The following CFAP54 variants were observed in gnomAD, a reference collection of about 807,000 sequenced individuals.
CFAP54 encodes cilia- and flagella-associated protein 54.
A neutral mutation model predicts 370.4 loss-of-function variants in CFAP54; 290 were observed. The ratio of observed to expected loss-of-function variants is 0.78; its 90% CI spans 0.71 to 0.86. The LOEUF is 0.86. CFAP54 is among the 40% of genes least tolerant of loss of function. CFAP54 has a pLI of 0.00. For synonymous variants in CFAP54, 1,206 were observed against 1,236.5 expected (o/e 0.98, Z 0.52); for missense variants, 3,399 against 3,528.7 (o/e 0.96, Z 0.93).
Position 96,527,331 on chromosome 12 carries a change from C to A in CFAP54, c.1244C>A (p.Ala415Asp), listed in dbSNP as rs1217038861. 6.5e-7 allele frequency: 1 copy of A among 1,535,848 alleles called. No homozygotes were observed. The highest frequency in any genetic ancestry group is 2.4e-5 in the East Asian group (1 of 40,914). ...TASQFLAVLE[A>D]LSDSNRRILQ... ...TCCCAGTTTCTGGCTGTCTTGGAAGCTCTTTCTGATTCAAATAGGCGAATA... is the reference window on the plus strand; with the variant it reads ...TCCCAGTTTCTGGCTGTCTTGGAAGATCTTTCTGATTCAAATAGGCGAATA... Residue 415 changes from alanine to aspartate, a missense_variant, in exon 9 of 68, where the codon GCT (alanine) becomes GAT (aspartate). By Grantham distance (126) the Ala-to-Asp change is moderately radical. Coordinates refer to ENST00000524981, the MANE Select transcript of CFAP54 (RefSeq NM_001306084.2).
In CFAP54 at chr12:96,700,054, T is replaced by A; in HGVS notation, c.6435T>A (p.Cys2145Ter). 6.2e-7 allele frequency: 1 copy of A among 1,609,722 alleles called. No individual in the cohort carries two copies. The highest frequency in any genetic ancestry group is 8.5e-7 in the Non-Finnish European group (1 of 1,178,560). ...SQIFYGKNMP[C>*]PIPAGYKATG... ...TTTTCTATGGAAAAAACATGCCTTG[T>A]CCAATACCTGCAGGCTATAAAGCCA... The change falls in exon 46 of 68, where the codon TGT (cysteine) becomes TGA (stop). Residue 2145 changes from cysteine (C) to a stop codon, truncating the protein, a stop_gained. Coordinates refer to ENST00000524981, the MANE Select transcript of CFAP54 (RefSeq NM_001306084.2). LOFTEE classifies it high-confidence loss of function.
chr12:96,582,689 T>C, intron 22 of CFAP54, among the ~76,000 whole-genome samples: 1 of 152,154 alleles, frequency 6.6e-6, no homozygotes, highest in East Asian at 1.9e-4. Context: ...CTTAATTTGG[T>C]AGAACTTTCA....
intron 48 of CFAP54, among the ~76,000 whole-genome samples, chr12:96,714,874 T>C (rs1172383334): frequency 1.3e-5 from 2 of 151,214 alleles, no homozygotes; most frequent in Admixed American, 1.3e-4. Flanking sequence ...AGGTGTGGAG[T>C]GAGGAGATAT....
At chr12:96,581,139 G>T (rs758721398) in intron 22 of CFAP54, 34 bp downstream of exon 22, 75 of 1,326,090 alleles carry the variant, frequency 5.7e-5, no homozygotes, top group Non-Finnish European at 5.8e-5. Flanking sequence ...TTTCCACTGT[G>T]TTTTTTTTTC....
intron 40 of CFAP54, 45 bp from the exon 41 acceptor site, chr12:96,684,603 T>C: frequency 6.7e-7 from 1 of 1,496,650 alleles, no homozygotes; most frequent in South Asian, 1.2e-5. Flanking sequence ...AAAAAATATT[T>C]TTCTAGGAAC....
At chr12:96,741,682 A>C (rs1277028857) in intron 51 of CFAP54, among the ~76,000 whole-genome samples, 1 of 151,688 alleles carries the variant, frequency 6.6e-6, no homozygotes, top group Admixed American at 6.6e-5. Flanking sequence ...TCTACGATGG[A>C]CTCCACTCCC....
At position 96,630,653 on chromosome 12, in the gene CFAP54, T is replaced by C; in HGVS notation, c.4316+2T>C. 6.9e-7 allele frequency: 1 copy of C among 1,454,096 alleles called. No individual in the cohort carries two copies. Among genetic ancestry groups the C allele is most frequent in the Non-Finnish European group, 9.1e-7 (1 of 1,099,204 alleles). 90.1% of individuals were successfully genotyped at this position (1,454,096 alleles called of 1,614,324 possible). A position where few individuals can be genotyped will look rare whatever the true frequency, so the allele number is the denominator to read the frequency against. The stretch of plus-strand genomic sequence containing the variant: ...TTCTGAAATGGTGGCACATGAAAGG[T>C]ATTCACTAATTAATTAATTCAATAA... On this transcript the variant is annotated splice_donor_variant, in intron 32 of 67. Coordinates refer to ENST00000524981, the MANE Select transcript of CFAP54 (RefSeq NM_001306084.2). LOFTEE classifies it high-confidence loss of function.
In CFAP54 at chr12:96,680,966, C is replaced by A. The variant is rs141784725; in HGVS notation, c.5716+1214C>A. ...GGTGTGGTGGCGTGCACCTGTAATT[C>A]CAGCTACTCAGGAGGCTGAGGCATG... On this transcript the variant is annotated intron_variant, in intron 40 of 67. Transcript: ENST00000524981. 1.8e-4 allele frequency among the ~76,000 whole-genome samples: 28 copies of A among 152,240 alleles called. No individual in the cohort carries two copies. The East Asian group carries it at 5.2e-3, about 28-fold the overall frequency.
chr12:96,778,401 T>A (rs1191420632), intron 60 of CFAP54, among the ~76,000 whole-genome samples: 1 of 152,200 alleles, frequency 6.6e-6, no homozygotes, highest in Non-Finnish European at 1.5e-5. Flanking sequence ...TTTAAAATCT[T>A]TTTTCTTTAA....
intron 14 of CFAP54, among the ~76,000 whole-genome samples, chr12:96,547,417 C>T (rs1955651758): frequency 6.6e-6 from 1 of 152,060 alleles, no homozygotes; most frequent in African/African-American, 2.4e-5. Context: ...GAACTCCTGA[C>T]CTCAGGTATC....
Position 96,518,925 on chromosome 12 carries a change from C to T in CFAP54, c.799-3C>T, listed in dbSNP as rs1367089329. On this transcript the variant is annotated splice_region_variant and splice_polypyrimidine_tract_variant and intron_variant, in intron 5 of 67. Transcript: ENST00000524981. Reference sequence around the variant, plus strand: ...AAATCCAATGGTGCCCTTTATTTTGCAGGCCTTAGAGTATCTCCTGTGGGC... The same window carrying T: ...AAATCCAATGGTGCCCTTTATTTTGTAGGCCTTAGAGTATCTCCTGTGGGC... 6 of 1,521,902 alleles carry T rather than the reference C, an allele frequency of 3.9e-6. No individual in the cohort carries two copies. The highest frequency in any genetic ancestry group is 2.8e-5 in the African/African-American group (2 of 72,696). The allele number at this position is 1,521,902 out of a possible 1,614,324, so 94.3% of individuals were successfully genotyped here.
chr12:96,551,277 C>T lies in CFAP54; in HGVS notation c.2155-2905C>T, dbSNP rs533689526. Among the ~76,000 whole-genome samples the T allele has an allele frequency of 5.9e-5, 9 of 152,078 alleles. No homozygotes were observed. In the South Asian group the frequency reaches 1.5e-3, roughly 25 times the overall value. ...TTGCATAACAAAACAAGACAAAAAA[C>T]CCTCCCCAAACCCAAAAAAACCCGC... is the stretch of plus-strand genomic sequence containing the variant. On this transcript the variant is annotated intron_variant, in intron 15 of 67. Transcript: ENST00000524981.
chr12:96,549,217 T>C (rs1412812351), intron 15 of CFAP54, among the ~76,000 whole-genome samples: 1 of 152,178 alleles, frequency 6.6e-6, no homozygotes, highest in African/African-American at 2.4e-5. Flanking sequence ...TAGCACTTAT[T>C]CTCTGAGGCA....
chr12:96,509,166 A>G (rs1955139262), intron 4 of CFAP54, among the ~76,000 whole-genome samples: 1 of 152,182 alleles, frequency 6.6e-6, no homozygotes, highest in South Asian at 2.1e-4. Context: ...TGTGTCAGAT[A>G]GTGACGAGGC....
chr12:96,777,442 C>T (rs970645249), intron 60 of CFAP54, among the ~76,000 whole-genome samples: 6 of 151,848 alleles, frequency 4.0e-5, no homozygotes, highest in East Asian at 1.9e-4. Flanking sequence ...CTCCGCCTCC[C>T]GGGTTCAAGT....
In CFAP54 at chr12:96,527,456, G is replaced by A. The variant is rs900594756; in HGVS notation, c.1357+12G>A. ...AGAACTTTTGATAAGTAAATAAGAT[G>A]TTAAGATATTGTTTTATGATAGAAT... On this transcript the variant is annotated intron_variant, in intron 9 of 67. Coordinates refer to ENST00000524981, the MANE Select transcript of CFAP54 (RefSeq NM_001306084.2). 4 of 1,486,952 alleles carry A rather than the reference G, an allele frequency of 2.7e-6. No homozygotes were observed. The highest frequency in any genetic ancestry group is 2.7e-6 in the Non-Finnish European group (3 of 1,116,796). 92.1% of individuals were successfully genotyped at this position (1,486,952 alleles called of 1,614,324 possible). A position where few individuals can be genotyped will look rare whatever the true frequency, so the allele number is the denominator to read the frequency against.
At chr12:96,684,488 G>GTA (rs1309025393) in intron 40 of CFAP54, among the ~76,000 whole-genome samples, 160 bp from the exon 41 acceptor site, 1 of 152,078 alleles carries the variant, frequency 6.6e-6, no homozygotes, top group Non-Finnish European at 1.5e-5. Flanking sequence ...CGCTCTCTTT[G>GTA]TATATATATC....
chr12:96,528,330 A>G (rs1255236319), intron 9 of CFAP54, among the ~76,000 whole-genome samples: 1 of 151,792 alleles, frequency 6.6e-6, no homozygotes, highest in Non-Finnish European at 1.5e-5. Flanking sequence ...TGGCTTTCTC[A>G]TTTATTTCTA....
chr12:96,836,495 G>A (rs537759160), intron 66 of CFAP54, among the ~76,000 whole-genome samples: 49 of 152,286 alleles, frequency 3.2e-4, no homozygotes, highest in African/African-American at 1.1e-3. Flanking sequence ...GCAGAGGCAC[G>A]TGGAGGTGAG....
Sources: allele counts gnomAD v4.1 joint callset (sites outside exome capture counted in the v4.1 genomes callset), GRCh38; gene constraint gnomAD v4.1.1; transcripts MANE v1.5; gene names NCBI Gene and HGNC (gene_info 2026-07-23, HGNC 2026-07-21).